The following KALRN variants were observed in gnomAD, a reference collection of about 807,000 sequenced individuals.
KALRN encodes the protein kalirin RhoGEF kinase, also known as kalirin.
Under a neutral mutation model 353.7 loss-of-function variants are expected in KALRN, and 70 were observed. That is an observed-to-expected ratio of 0.20 (90% CI 0.16 to 0.24). KALRN has a LOEUF of 0.24. KALRN is among the 10% of genes least tolerant of loss of function. KALRN has a pLI of 1.00. For synonymous variants in KALRN, 1,391 were observed against 1,434.8 expected, an observed-to-expected ratio of 0.97 and a Z score of 0.69; for missense variants, 2,791 against 3,756.7, an observed-to-expected ratio of 0.74 and a Z score of 6.72.
intron 1 of KALRN, among the ~76,000 whole-genome samples, chr3:124,067,203 A>C (rs755780969): frequency 1.3e-5 from 2 of 152,144 alleles, no homozygotes; most frequent in Non-Finnish European, 2.9e-5. Flanking sequence ...CAGTAAAATG[A>C]TATTTTCTGA....
chr3:124,061,056 T>C (rs1277838215), intron 1 of KALRN, among the ~76,000 whole-genome samples: 1 of 152,190 alleles, frequency 6.6e-6, no homozygotes, highest in Non-Finnish European at 1.5e-5. Flanking sequence ...TTGGAGACAG[T>C]GACGATAGGG....
intron 10 of KALRN, among the ~76,000 whole-genome samples, chr3:124,348,693 C>T (rs1489944616): frequency 6.6e-6 from 1 of 152,166 alleles, no homozygotes; most frequent in Non-Finnish European, 1.5e-5. Flanking sequence ...TTCAGGCTGT[C>T]TCCCTAACAT....
chr3:124,592,542 G>A (rs1396191920), intron 34 of KALRN, among the ~76,000 whole-genome samples: 1 of 151,584 alleles, frequency 6.6e-6, no homozygotes, highest in Non-Finnish European at 1.5e-5. Context: ...TCTTCTTTTT[G>A]GCCAATATTT....
In KALRN at chr3:124,592,313, A is replaced by G. The variant is rs1205842395; in HGVS notation, c.5182+29224A>G. Among the ~76,000 whole-genome samples the G allele has an allele frequency of 9.8e-3, 727 of 74,320 alleles. 9 individuals carry two copies. Among genetic ancestry groups the G allele is most frequent in the African/African-American group, 0.031 (681 of 22,128 alleles). The allele number at this position is 74,320 out of a possible 152,430, so 48.8% of individuals were successfully genotyped here. A position where few individuals can be genotyped will look rare whatever the true frequency, so the allele number is the denominator to read the frequency against. On this transcript the variant is annotated intron_variant, in intron 34 of 59. Coordinates refer to ENST00000682506, the MANE Select transcript of KALRN (RefSeq NM_001388419.1). ...CAAGACTCCGTCTCAAAGAAACAAA[A>G]AAAAAAAAAAAAAAAAGAAAAAATC...
chr3:124,049,832 C>T (rs745354040), intron 1 of KALRN, among the ~76,000 whole-genome samples: 1 of 152,078 alleles, frequency 6.6e-6, no homozygotes, highest in Non-Finnish European at 1.5e-5. Flanking sequence ...TTCTTATTAC[C>T]CAGATGTGCA....
At chr3:124,057,986 T>C (rs2041700004) in intron 1 of KALRN, among the ~76,000 whole-genome samples, 1 of 152,188 alleles carries the variant, frequency 6.6e-6, no homozygotes, top group Admixed American at 6.5e-5. Flanking sequence ...TCCACAATTA[T>C]GGCAGAAGGC....
intron 51 of KALRN, among the ~76,000 whole-genome samples, chr3:124,686,220 C>G (rs2061551402): frequency 6.6e-6 from 1 of 152,132 alleles, no homozygotes; most frequent in Non-Finnish European, 1.5e-5. Flanking sequence ...ATTTATGCAC[C>G]CACTCAGGCA....
rs1441837386 is a variant in KALRN, at chr3:124,721,140, A to T, written c.*1670A>T. On this transcript the variant is annotated 3_prime_UTR_variant, in exon 60 of 60. Transcript: ENST00000682506. Reference sequence around the variant, plus strand: ...GAACTTTAACATATAAAAAACACTTATTCCCACAGAGAAAATGTAAAATTA... The same window carrying T: ...GAACTTTAACATATAAAAAACACTTTTTCCCACAGAGAAAATGTAAAATTA... 3 of 152,204 alleles carry T rather than the reference A, an allele frequency of 2.0e-5. No homozygotes were observed. Among genetic ancestry groups the T allele is most frequent in the Non-Finnish European group, 4.4e-5 (3 of 68,040 alleles). The allele number at this position is 152,204 out of a possible 1,614,324, so 9.4% of individuals were successfully genotyped here.
chr3:124,124,445 A>G (rs1436796665), intron 1 of KALRN, among the ~76,000 whole-genome samples: 3 of 152,244 alleles, frequency 2.0e-5, no homozygotes, highest in African/African-American at 7.2e-5. Context: ...CTTCTGGTGA[A>G]GATGCTGTGA....
intron 33 of KALRN, among the ~76,000 whole-genome samples, chr3:124,553,921 G>T (rs1426389664): frequency 6.6e-6 from 1 of 152,274 alleles, no homozygotes; most frequent in Non-Finnish European, 1.5e-5. Context: ...ATGAGATGAA[G>T]ATAGAAGGGA....
intron 3 of KALRN, among the ~76,000 whole-genome samples, chr3:124,263,266 A>G (rs572335941): frequency 5.4e-4 from 83 of 152,326 alleles, no homozygotes; most frequent in Non-Finnish European, 1.1e-3. Context: ...TCGTCCCTCA[A>G]CATCCTGATA....
At chr3:124,666,675 C>T (rs1300330308) in intron 46 of KALRN, 41 bp downstream of exon 46, 1 of 1,557,058 alleles carries the variant, frequency 6.4e-7, no homozygotes, top group Non-Finnish European at 8.8e-7. Context: ...AAGGAAGAGC[C>T]CAGTTCTTGG....
chr3:124,519,951 G>A, intron 33 of KALRN: 2 of 885,750 alleles, frequency 2.3e-6, no homozygotes, highest in Non-Finnish European at 2.7e-6. Flanking sequence ...AGAAAGATCT[G>A]TCAAGCTGGG....
chr3:124,127,909 A>G (rs2064867397), intron 1 of KALRN, among the ~76,000 whole-genome samples: 1 of 152,208 alleles, frequency 6.6e-6, no homozygotes. Context: ...TGGTTGATCC[A>G]TGTCTCCTTA....
At position 124,425,319 on chromosome 3, in the gene KALRN, A is replaced by G. The variant is rs577657468; in HGVS notation, c.2709+2341A>G. 1.7e-3 allele frequency among the ~76,000 whole-genome samples: 265 copies of G among 152,374 alleles called. 2 individuals are homozygous for G. The highest frequency in any genetic ancestry group is 0.016 in the Admixed American group (250 of 15,306). ...AAATGAGGTGATGGTTATCCCAGTTACAATGTGCACTACACATTGTATATC... is the reference window on the plus strand; with the variant it reads ...AAATGAGGTGATGGTTATCCCAGTTGCAATGTGCACTACACATTGTATATC... On this transcript the variant is annotated intron_variant, in intron 15 of 59. Coordinates refer to ENST00000682506, the MANE Select transcript of KALRN (RefSeq NM_001388419.1).
intron 34 of KALRN, among the ~76,000 whole-genome samples, chr3:124,611,696 G>A (rs1481313177): frequency 6.6e-6 from 1 of 152,180 alleles, no homozygotes; most frequent in Non-Finnish European, 1.5e-5. Flanking sequence ...ATTGCATTGG[G>A]GATAAAGTCC....
intron 8 of KALRN, among the ~76,000 whole-genome samples, chr3:124,333,052 A>G (rs148059740): frequency 1.4e-3 from 215 of 152,258 alleles, no homozygotes; most frequent in African/African-American, 4.5e-3. Context: ...AGGAGGAGCA[A>G]AGTCATGTCT....
chr3:124,073,288 C>T (rs1488345157), intron 1 of KALRN, among the ~76,000 whole-genome samples: 2 of 152,188 alleles, frequency 1.3e-5, no homozygotes, highest in Non-Finnish European at 1.5e-5. Context: ...AGAACAATGC[C>T]ATCTGTGGAG....
intron 1 of KALRN, among the ~76,000 whole-genome samples, chr3:124,196,420 G>C (rs2075433173): frequency 6.6e-6 from 1 of 152,156 alleles, no homozygotes; most frequent in Admixed American, 6.5e-5. Flanking sequence ...CAGAAGAAGA[G>C]AGAAGGGCAG....
Sources: allele counts gnomAD v4.1 joint callset (sites outside exome capture counted in the v4.1 genomes callset), GRCh38; gene constraint gnomAD v4.1.1; transcripts MANE v1.5; gene names NCBI Gene and HGNC (gene_info 2026-07-23, HGNC 2026-07-21).